The following ARID2 variants were observed in gnomAD, a reference collection of about 807,000 sequenced individuals.
ARID2 encodes AT-rich interaction domain 2, also known as AT-rich interactive domain-containing protein 2.
ARID2 carries 32 observed loss-of-function variants against 184.6 expected under a neutral mutation model. The ratio of observed to expected loss-of-function variants is 0.17; its 90% CI spans 0.13 to 0.23. ARID2 has a LOEUF of 0.23. ARID2 is among the 10% of genes least tolerant of loss of function. The pLI, the probability that ARID2 is intolerant of heterozygous loss-of-function variation, is 1.00. For synonymous variants in ARID2, 836 were observed against 772.6 expected (o/e 1.08, Z -1.36); for missense variants, 1,696 against 2,197.6 (o/e 0.77, Z 4.56).
rs185913937 is a variant in ARID2 at position 45,850,152 on chromosome 12, G to A, written c.2029G>A (p.Val677Met). ...MSFPVQGVHT[V>M]AQTVSRIPQN... ...TTTTCCTGTACAAGGTGTTCATACT[G>A]TGGCACAAACTGTTTCAAGAATTCC... Residue 677 changes from valine to methionine, a missense_variant, in exon 15 of 21, where the codon GTG (valine) becomes ATG (methionine). Transcript: ENST00000334344. 9.6e-5 allele frequency: 155 copies of A among 1,614,052 alleles called. 2 individuals carry two copies. The East Asian group carries it at 3.5e-3, about 36-fold the overall frequency.
At chr12:45,844,399 G>C (rs1379437585) in intron 11 of ARID2, among the ~76,000 whole-genome samples, 1 of 152,170 alleles carries the variant, frequency 6.6e-6, no homozygotes, top group Non-Finnish European at 1.5e-5. Flanking sequence ...TTCTTTGACA[G>C]TAGTTAAGGA....
At chr12:45,818,912 A>G (rs546580702) in intron 5 of ARID2, among the ~76,000 whole-genome samples, 1 of 152,230 alleles carries the variant, frequency 6.6e-6, no homozygotes, top group African/African-American at 2.4e-5. Context: ...GATTACATGG[A>G]TGGGGATGTG....
chr12:45,806,354 T>C (rs1942601049), intron 3 of ARID2, among the ~76,000 whole-genome samples: 1 of 152,156 alleles, frequency 6.6e-6, no homozygotes, highest in South Asian at 2.1e-4. Flanking sequence ...CCGGACACCC[T>C]AGCCCCAGGG....
At chr12:45,818,508 CTG>C (rs1407136617) in intron 5 of ARID2, among the ~76,000 whole-genome samples, 2 of 152,020 alleles carry the variant, frequency 1.3e-5, no homozygotes, top group Non-Finnish European at 2.9e-5. Context: ...TGTAAAATAT[CTG>C]TGTTAGCTGA....
intron 20 of ARID2, among the ~76,000 whole-genome samples, chr12:45,903,689 G>T (rs1268182294): frequency 6.6e-6 from 1 of 152,062 alleles, no homozygotes; most frequent in Middle Eastern, 3.4e-3. Context: ...ATTAAATTTT[G>T]ATTTTGAATT....
At chr12:45,776,524 C>A (rs1025463897) in intron 3 of ARID2, among the ~76,000 whole-genome samples, 1 of 152,108 alleles carries the variant, frequency 6.6e-6, no homozygotes, top group Non-Finnish European at 1.5e-5. Context: ...AAAAAGCCCT[C>A]AAAATATTTA....
chr12:45,762,019 A>G (rs1445984134), intron 3 of ARID2, among the ~76,000 whole-genome samples: 4 of 152,116 alleles, frequency 2.6e-5, no homozygotes. Flanking sequence ...ATATATTTTT[A>G]CAGCCAATAT....
chr12:45,865,025 T>A (rs976884637), intron 16 of ARID2, among the ~76,000 whole-genome samples: 1 of 152,194 alleles, frequency 6.6e-6, no homozygotes, highest in East Asian at 1.9e-4. Flanking sequence ...TTTCAGTCAA[T>A]TGAGGTTATG....
At chr12:45,823,870 C>T (rs1942943075) in intron 6 of ARID2, among the ~76,000 whole-genome samples, 1 of 152,080 alleles carries the variant, frequency 6.6e-6, no homozygotes, top group Non-Finnish European at 1.5e-5. Flanking sequence ...GAAGAACCAA[C>T]ACCAGTTCTT....
intron 3 of ARID2, among the ~76,000 whole-genome samples, chr12:45,801,713 T>C (rs1384799200): frequency 6.6e-6 from 1 of 152,026 alleles, no homozygotes. Context: ...CCTATACTCT[T>C]GAAAGATGTC....
chr12:45,857,444 T>G (rs1013511583), intron 15 of ARID2, among the ~76,000 whole-genome samples: 2 of 152,192 alleles, frequency 1.3e-5, no homozygotes, highest in Non-Finnish European at 2.9e-5. Context: ...AATAGCACAT[T>G]ATAAAACTAA....
intron 3 of ARID2, among the ~76,000 whole-genome samples, chr12:45,795,298 A>G (rs1030308975): frequency 6.6e-6 from 1 of 152,134 alleles, no homozygotes; most frequent in South Asian, 2.1e-4. Context: ...TCCTGTTCTC[A>G]TGAGGTTGCT....
At chr12:45,844,327 A>G (rs1943405568) in intron 11 of ARID2, among the ~76,000 whole-genome samples, 1 of 152,158 alleles carries the variant, frequency 6.6e-6, no homozygotes, top group Non-Finnish European at 1.5e-5. Flanking sequence ...CCCACCTTTG[A>G]TATTTCTTTA....
intron 11 of ARID2, among the ~76,000 whole-genome samples, chr12:45,844,946 C>G (rs1000700718): frequency 5.9e-5 from 9 of 152,128 alleles, no homozygotes; most frequent in African/African-American, 2.2e-4. Flanking sequence ...TATTCTCATG[C>G]AAAGCAGTTT....
Position 45,839,453 on chromosome 12 carries a change from T to C in ARID2, c.1455T>C (p.Ala485=). ...HQMLSEIRPQ[A]IEQVQTQTHV... Reference sequence around the variant, plus strand: ...TGTTATCTGAAATTAGGCCACAAGCTATAGAGCAAGTCCAAACCCAGACTC... The same window carrying C: ...TGTTATCTGAAATTAGGCCACAAGCCATAGAGCAAGTCCAAACCCAGACTC... Residue 485 remains alanine (A), a synonymous_variant, in exon 11 of 21, where the codon GCT becomes GCC. Coordinates refer to ENST00000334344, the MANE Select transcript of ARID2 (RefSeq NM_152641.4). The C allele has an allele frequency of 6.2e-7, 1 of 1,614,086 alleles. No homozygotes were observed. The highest frequency in any genetic ancestry group is 1.1e-5 in the South Asian group (1 of 91,066).
At chr12:45,886,342 C>T (rs929033390) in intron 16 of ARID2, among the ~76,000 whole-genome samples, 12 of 152,210 alleles carry the variant, frequency 7.9e-5, no homozygotes, top group African/African-American at 1.9e-4. Flanking sequence ...TACAGCCTTG[C>T]GCAGCTCCAC....
At chr12:45,732,897 A>AT (rs1054641374) in intron 3 of ARID2, among the ~76,000 whole-genome samples, 2 of 152,002 alleles carry the variant, frequency 1.3e-5, no homozygotes, top group South Asian at 4.1e-4. Flanking sequence ...TAGGCTTCCA[A>AT]TTTTTTTTAA....
chr12:45,899,697 A>ATATATATGGT (rs1944427780), intron 20 of ARID2, among the ~76,000 whole-genome samples: 1 of 105,524 alleles, frequency 9.5e-6, no homozygotes, highest in Non-Finnish European at 1.8e-5. Context: ...ATATATGGTT[A>ATATATATGGT]TATATATATA....
intron 16 of ARID2, among the ~76,000 whole-genome samples, chr12:45,861,305 C>A (rs1943742707): frequency 6.6e-6 from 1 of 151,722 alleles, no homozygotes; most frequent in Admixed American, 6.6e-5. Flanking sequence ...TATAGTATTT[C>A]CATATAGTAG....
Sources: gnomAD v4.1 joint callset for allele counts (sites outside exome capture counted in the v4.1 genomes callset) on GRCh38, gnomAD v4.1.1 for gene constraint, MANE v1.5 for transcripts, NCBI Gene and HGNC (gene_info 2026-07-23, HGNC 2026-07-21) for gene names.